Variants in GRM5 observed in about 807,000 individuals in gnomAD.
GRM5 encodes the protein glutamate metabotropic receptor 5.
In GRM5, 19 loss-of-function variants were observed where a neutral mutation model predicts 83.1. That is an observed-to-expected ratio of 0.23 (90% CI 0.16 to 0.34). The LOEUF is 0.34. GRM5 is among the 10% of genes least tolerant of loss of function. GRM5 has a pLI of 1.00. For missense variants in GRM5, 1,160 were observed against 1,588.3 expected, an observed-to-expected ratio of 0.73 and a Z score of 4.58; for synonymous variants, 675 against 633.6, an observed-to-expected ratio of 1.07 and a Z score of -0.98.
intron 2 of GRM5, among the ~76,000 whole-genome samples, chr11:89,005,942 C>T (rs1940512163): frequency 6.6e-6 from 1 of 152,028 alleles, no homozygotes; most frequent in African/African-American, 2.4e-5. Flanking sequence ...AAGAATAAAA[C>T]AACAGGATAA....
chr11:88,672,569 A>G (rs1294226264), intron 3 of GRM5, among the ~76,000 whole-genome samples: 1 of 152,010 alleles, frequency 6.6e-6, no homozygotes, highest in Non-Finnish European at 1.5e-5. Context: ...AGTGTCAAAG[A>G]GCTGACAATT....
rs566769015 is a variant in GRM5 at position 88,850,540 on chromosome 11, G to A, written c.662-385C>T. ...ATTAATGACAATTTCATCCCACTGA[G>A]ATTTTTGTATTTAAAGATATAGTAC... is the stretch of plus-strand genomic sequence containing the variant. On this transcript the variant is annotated intron_variant, in intron 2 of 9. Coordinates refer to ENST00000305447, the MANE Select transcript of GRM5 (RefSeq NM_001143831.3). 2.0e-5 allele frequency among the ~76,000 whole-genome samples: 3 copies of A among 151,506 alleles called. No individual in the cohort carries two copies. In the East Asian group the frequency reaches 5.8e-4, roughly 29 times the overall value.
At chr11:88,898,530 C>A (rs1246446166) in intron 2 of GRM5, among the ~76,000 whole-genome samples, 1 of 151,868 alleles carries the variant, frequency 6.6e-6, no homozygotes. Flanking sequence ...AATAAATGGA[C>A]TAAGAAATAA....
chr11:89,024,496 T>C (rs764818486), intron 2 of GRM5, among the ~76,000 whole-genome samples: 4 of 152,226 alleles, frequency 2.6e-5, no homozygotes, highest in Admixed American at 6.5e-5. Flanking sequence ...TCATTTTTAA[T>C]TTGCTTCAAA....
intron 7 of GRM5, among the ~76,000 whole-genome samples, chr11:88,570,571 A>ATATATGTATATATATATTTT (rs1405339448): frequency 2.2e-5 from 1 of 46,376 alleles, no homozygotes; most frequent in African/African-American, 1.3e-4. Flanking sequence ...ATATATATAT[A>ATATATGTATATATATATTTT]TTTTTTTTTT....
chr11:88,692,497 A>G (rs2135361698), intron 3 of GRM5, among the ~76,000 whole-genome samples: 1 of 152,290 alleles, frequency 6.6e-6, no homozygotes, highest in African/African-American at 2.4e-5. Flanking sequence ...ATGACATCCG[A>G]AAGTCCCATC....
intron 1 of GRM5, among the ~76,000 whole-genome samples, chr11:89,065,058 C>T (rs1235541797): frequency 6.6e-6 from 1 of 151,262 alleles, no homozygotes; most frequent in Admixed American, 6.6e-5. Context: ...TGCAGGTGTA[C>T]CATCTTTACA....
chr11:88,937,436 T>C (rs183417811), intron 2 of GRM5, among the ~76,000 whole-genome samples: 18 of 151,850 alleles, frequency 1.2e-4, no homozygotes, highest in Admixed American at 2.6e-4. Flanking sequence ...TTCTAAACAA[T>C]GACAACACAG....
rs190225432 is a variant in GRM5, at chr11:88,508,481, T to C, written c.*111A>G. 2,798 of 773,576 alleles carry C rather than the reference T, an allele frequency of 3.6e-3. 5 individuals are homozygous for C. Among genetic ancestry groups the C allele is most frequent in the Non-Finnish European group, 4.8e-3 (2,332 of 488,626 alleles). The allele number at this position is 773,576 out of a possible 1,614,324, so 47.9% of individuals were successfully genotyped here. A position where few individuals can be genotyped will look rare whatever the true frequency, so the allele number is the denominator to read the frequency against. On this transcript the variant is annotated 3_prime_UTR_variant, in exon 10 of 10. Transcript: ENST00000305447. This position sits in a 1 kb window ranked among gnomAD's most constrained non-coding sequence, Gnocchi z 4.2. ...CTCGTGTTTCCATTAAGGGGTGCCC[T>C]TGGCATCTTCCCCCTGGGCCGTAAC...
chr11:88,708,387 C>A, intron 3 of GRM5, among the ~76,000 whole-genome samples: 1 of 152,008 alleles, frequency 6.6e-6, no homozygotes, highest in Non-Finnish European at 1.5e-5. Context: ...TTTCATAAAT[C>A]TCTTGTAGAC....
At chr11:88,677,217 A>G (rs1278336374) in intron 3 of GRM5, among the ~76,000 whole-genome samples, 1 of 152,142 alleles carries the variant, frequency 6.6e-6, no homozygotes, top group Non-Finnish European at 1.5e-5. Context: ...AGCATTATCT[A>G]GAAGCCCTGA....
At chr11:88,621,104 A>G (rs1356139985) in intron 4 of GRM5, among the ~76,000 whole-genome samples, 1 of 152,216 alleles carries the variant, frequency 6.6e-6, no homozygotes, top group Non-Finnish European at 1.5e-5. Flanking sequence ...TGGTGTGTAA[A>G]TGAAAGAATT....
At chr11:88,721,263 A>G (rs1941532956) in intron 3 of GRM5, among the ~76,000 whole-genome samples, 1 of 152,114 alleles carries the variant, frequency 6.6e-6, no homozygotes, top group African/African-American at 2.4e-5. Context: ...TCTCCTTTCT[A>G]GAAATTCAAT....
intron 2 of GRM5, among the ~76,000 whole-genome samples, chr11:88,887,167 A>G (rs1945058264): frequency 6.6e-6 from 1 of 152,190 alleles, no homozygotes; most frequent in African/African-American, 2.4e-5. Flanking sequence ...TGTCTTCTGG[A>G]ACCAAATGTT....
At chr11:88,712,416 AT>A (rs1347322636) in intron 3 of GRM5, among the ~76,000 whole-genome samples, 3 of 152,024 alleles carry the variant, frequency 2.0e-5, no homozygotes, top group Non-Finnish European at 4.4e-5. Context: ...ATGATGTCTT[AT>A]TTAACATATG....
At chr11:88,544,280 T>C (rs1942341784) in intron 8 of GRM5, among the ~76,000 whole-genome samples, 1 of 152,188 alleles carries the variant, frequency 6.6e-6, no homozygotes, top group Admixed American at 6.5e-5. Context: ...ATGGTACCTG[T>C]TTATTATGAT....
intron 3 of GRM5, among the ~76,000 whole-genome samples, chr11:88,751,027 G>C (rs933741883): frequency 1.5e-5 from 1 of 65,382 alleles, no homozygotes; most frequent in African/African-American, 6.2e-5. Context: ...GAAAGAAACA[G>C]AACTAGAGAA....
At chr11:88,933,044 G>A (rs642779) in intron 2 of GRM5, among the ~76,000 whole-genome samples, 141,705 of 151,840 alleles carry the variant, frequency 0.93, 66,481 homozygotes, top group East Asian at 0.99. Flanking sequence ...TCAGAGACAA[G>A]TCTTCCAAAT....
chr11:89,049,879 C>A (rs1941721574), intron 1 of GRM5, among the ~76,000 whole-genome samples: 1 of 152,118 alleles, frequency 6.6e-6, no homozygotes, highest in African/African-American at 2.4e-5. Flanking sequence ...TTTCCTTAGA[C>A]CCAAGCTTAA....
Sources: gnomAD v4.1 joint callset for allele counts (sites outside exome capture counted in the v4.1 genomes callset) on GRCh38, gnomAD v4.1.1 for gene constraint, Gnocchi (gnomAD v3.1) non-coding constraint, MANE v1.5 for transcripts, NCBI Gene and HGNC (gene_info 2026-07-23, HGNC 2026-07-21) for gene names.